The following GNB5 variants were observed in gnomAD, a reference collection of about 807,000 sequenced individuals.
The protein encoded by GNB5 is guanine nucleotide-binding protein subunit beta-5.
GNB5 carries 37 observed loss-of-function variants against 55.3 expected under a neutral mutation model. The observed-to-expected ratio is 0.67, with a 90% CI of 0.51 to 0.88. The LOEUF is 0.88. GNB5 is among the 40% of genes least tolerant of loss of function. The pLI is 0.00. For synonymous variants in GNB5, 219 were observed against 198.5 expected, an observed-to-expected ratio of 1.10 and a Z score of -0.87; for missense variants, 476 against 515.3, an observed-to-expected ratio of 0.92 and a Z score of 0.74.
At chr15:52,150,458 C>T (rs1306839029) in intron 4 of GNB5, among the ~76,000 whole-genome samples, 2 of 152,160 alleles carry the variant, frequency 1.3e-5, no homozygotes, top group African/African-American at 2.4e-5. Flanking sequence ...GGGACAGCTG[C>T]GGAGGGGGCT....
At chr15:52,176,988 A>G (rs889755144) in intron 3 of GNB5, among the ~76,000 whole-genome samples, 1 of 132,736 alleles carries the variant, frequency 7.5e-6, no homozygotes, top group Non-Finnish European at 1.6e-5. Context: ...CATCAGATAC[A>G]CCAAACACAC....
chr15:52,128,355 C>T (rs2033481212), intron 9 of GNB5, 111 bp from the exon 10 acceptor site: 1 of 737,944 alleles, frequency 1.4e-6, no homozygotes. Context: ...ACTCAAGGAA[C>T]ATTTGCAGCA....
intron 8 of GNB5, among the ~76,000 whole-genome samples, chr15:52,135,344 C>A (rs144527693): frequency 6.6e-6 from 1 of 152,146 alleles, no homozygotes; most frequent in African/African-American, 2.4e-5. Context: ...GGAGAACATT[C>A]CAGATTACTC....
chr15:52,151,118 A>G (rs2034083968), intron 4 of GNB5, among the ~76,000 whole-genome samples: 1 of 152,174 alleles, frequency 6.6e-6, no homozygotes, highest in African/African-American at 2.4e-5. Context: ...TCCAAAGCAC[A>G]TTGGTTCTTC....
In GNB5 at chr15:52,154,165, G is replaced by A. The variant is rs183502916; in HGVS notation, c.239-89C>T. ...ACAGCACAGACATATGTTCCGCAGA[G>A]GGAGGCGGCCCCATGGGCTTCCTCC... On this transcript the variant is annotated intron_variant, in intron 3 of 12. Transcript: ENST00000261837. 1.2e-5 allele frequency: 15 copies of A among 1,296,820 alleles called. No homozygotes were observed. The African/African-American group carries it at 1.9e-4, about 17-fold the overall frequency. 80.3% of individuals were successfully genotyped at this position (1,296,820 alleles called of 1,614,324 possible).
rs111247045 is a variant in GNB5, at chr15:52,179,830, C to A, written c.176G>T (p.Ser59Ile). The change falls in exon 3 of 13, where the codon AGC becomes ATC. Residue 59 changes from serine (S) to isoleucine (I), a missense_variant. Physicochemically the swap from Ser to Ile is moderately radical, Grantham distance 142. Transcript: ENST00000261837. ...CTTGCCCTTGAGGCTCTCGGCCTCGCTCTTCAGCGACGCCAGCGTCTCGTT... is the reference window on the plus strand; with the variant it reads ...CTTGCCCTTGAGGCTCTCGGCCTCGATCTTCAGCGACGCCAGCGTCTCGTT... ...HENETLASLKSEAESLKGKLE... is the reference protein window; with the variant it reads ...HENETLASLKIEAESLKGKLE... 7.1e-6 allele frequency: 11 copies of A among 1,555,302 alleles called. No individual in the cohort carries two copies. The East Asian group carries it at 2.9e-4, about 41-fold the overall frequency.
At chr15:52,137,506 G>A (rs1365808621) in intron 7 of GNB5, 2 of 1,016,652 alleles carry the variant, frequency 2.0e-6, no homozygotes, top group African/African-American at 3.5e-5. Flanking sequence ...GCAGGAGAAT[G>A]AGAAAAGCAA....
chr15:52,176,350 C>T (rs8023921), intron 3 of GNB5, among the ~76,000 whole-genome samples: 5,413 of 152,298 alleles, frequency 0.036, 341 homozygotes, highest in African/African-American at 0.12. Flanking sequence ...TAAGCCTGCT[C>T]GCTCATCGCA....
intron 3 of GNB5, among the ~76,000 whole-genome samples, chr15:52,173,874 C>T (rs2034597950): frequency 6.6e-6 from 1 of 152,166 alleles, no homozygotes; most frequent in South Asian, 2.1e-4. Flanking sequence ...CAGGGGAACC[C>T]TCCTGATCTA....
chr15:52,147,615 C>G, intron 5 of GNB5, 80 bp from the exon 6 acceptor site: 1 of 697,152 alleles, frequency 1.4e-6, no homozygotes, highest in Non-Finnish European at 2.4e-6. Flanking sequence ...GAGATGGAGT[C>G]TCACTCTGTT....
intron 10 of GNB5, among the ~76,000 whole-genome samples, chr15:52,127,727 G>C (rs1407459450): frequency 6.6e-6 from 1 of 151,676 alleles, no homozygotes; most frequent in Non-Finnish European, 1.5e-5. Flanking sequence ...CTTAAAACTG[G>C]GTCTATTTAT....
At chr15:52,159,951 C>CT (rs1194780716) in intron 3 of GNB5, among the ~76,000 whole-genome samples, 3,879 of 142,440 alleles carry the variant, frequency 0.027, 146 homozygotes, top group African/African-American at 0.089. Context: ...AAATTAGCTT[C>CT]TTTTTTTTTT....
In GNB5 at chr15:52,185,409, G is replaced by A. The variant is rs148487722; in HGVS notation, c.-18-715C>T. On this transcript the variant is annotated intron_variant, in intron 1 of 12. Transcript: ENST00000261837. The stretch of plus-strand genomic sequence containing the variant: ...ATCTACCCTTCTGGGGTTGTCAAGA[G>A]AATGATAAGAGTCAGTGCGTAAAGC... Among the ~76,000 whole-genome samples the A allele has an allele frequency of 1.9e-4, 29 of 152,360 alleles. No individual in the cohort carries two copies. The East Asian group carries it at 4.4e-3, about 23-fold the overall frequency.
Position 52,135,726 on chromosome 15 carries a change from C to A in GNB5, c.658G>T (p.Ala220Ser). 6.2e-7 allele frequency: 1 copy of A among 1,612,882 alleles called. No homozygotes were observed. Among genetic ancestry groups the A allele is most frequent in the Non-Finnish European group, 8.5e-7 (1 of 1,179,860 alleles). Residue 220 changes from alanine to serine, a missense_variant, in exon 8 of 13, where the codon GCC (alanine) becomes TCC (serine). Ala to Ser is a moderately conservative substitution (Grantham distance 99). Coordinates refer to ENST00000261837, the MANE Select transcript of GNB5 (RefSeq NM_016194.4). ...ILTASGDGTC[A>S]LWDVESGQLL... Reference sequence around the variant, plus strand: ...TGCCCGCTCTCCACGTCCCACAGGGCACATGTGCCATCGCCGCTCGCTGTC... The same window carrying A: ...TGCCCGCTCTCCACGTCCCACAGGGAACATGTGCCATCGCCGCTCGCTGTC...
At chr15:52,171,673 A>C (rs1348799790) in intron 3 of GNB5, among the ~76,000 whole-genome samples, 1 of 152,242 alleles carries the variant, frequency 6.6e-6, no homozygotes, top group African/African-American at 2.4e-5. Flanking sequence ...TACACAGATC[A>C]CATTTTCTTA....
chr15:52,152,346 AAC>A (rs1162503076), intron 4 of GNB5, among the ~76,000 whole-genome samples: 8 of 152,034 alleles, frequency 5.3e-5, no homozygotes, highest in African/African-American at 1.4e-4. Flanking sequence ...GAGAAAAAAA[AAC>A]AGTCTCGCCC....
intron 3 of GNB5, among the ~76,000 whole-genome samples, chr15:52,160,574 T>C (rs2034311683): frequency 6.6e-6 from 1 of 152,174 alleles, no homozygotes. Flanking sequence ...TTGATTGCCT[T>C]TTATAGAATT....
In GNB5 at chr15:52,135,598, C is replaced by T. The variant is rs78247468; in HGVS notation, c.771+15G>A. 107 of 1,612,412 alleles carry T rather than the reference C, an allele frequency of 6.6e-5. No individual in the cohort carries two copies. In the African/African-American group the frequency reaches 1.3e-3, roughly 20 times the overall value. On this transcript the variant is annotated intron_variant, in intron 8 of 12. Transcript: ENST00000261837. ...TGGACACAGGAGCCCTAGGGAATTT[C>T]CACTGGGTCTTTACCCCAGACACGA... is the stretch of plus-strand genomic sequence containing the variant.
intron 6 of GNB5, 67 bp from the exon 7 acceptor site, chr15:52,141,339 A>G (rs1238575200): frequency 5.7e-6 from 8 of 1,392,126 alleles, no homozygotes; most frequent in African/African-American, 1.4e-5. Flanking sequence ...TACTTTTCCA[A>G]TCACATGAAC....
Sources: gnomAD v4.1 joint callset for allele counts (sites outside exome capture counted in the v4.1 genomes callset) on GRCh38, gnomAD v4.1.1 for gene constraint, MANE v1.5 for transcripts, NCBI Gene and HGNC (gene_info 2026-07-23, HGNC 2026-07-21) for gene names.